The following TRMT1 variants were observed in gnomAD, a reference collection of about 807,000 sequenced individuals.
The protein encoded by TRMT1 is tRNA (guanine(26)-N(2))-dimethyltransferase.
TRMT1 carries 63 observed loss-of-function variants against 75.4 expected under a neutral mutation model. The observed-to-expected ratio is 0.84, with a 90% confidence interval of 0.68 to 1.03. The LOEUF (loss-of-function observed/expected upper bound fraction) is 1.03. Ranked by LOEUF, TRMT1 falls within the 50% of genes least tolerant of loss-of-function variation. The pLI, the probability that TRMT1 is intolerant of heterozygous loss-of-function variation, is 0.00. For missense variants in TRMT1, 870 were observed against 905.3 expected (o/e 0.96, Z 0.50); for synonymous variants, 382 against 358.1 (o/e 1.07, Z -0.75).
rs1196813427 is a variant in TRMT1 at position 13,110,394 on chromosome 19, A to G, written c.871-88T>C. 4 of 1,428,248 alleles carry G rather than the reference A, an allele frequency of 2.8e-6. No individual in the cohort carries two copies. The East Asian group carries it at 1.0e-4, about 36-fold the overall frequency. 88.5% of individuals were successfully genotyped at this position (1,428,248 alleles called of 1,614,324 possible). ...ATGTGGTACTCACAAGTACAGGCTCAGGGCCAGCTCCCTGGGATCCAAGCC... is the reference window on the plus strand; with the variant it reads ...ATGTGGTACTCACAAGTACAGGCTCGGGGCCAGCTCCCTGGGATCCAAGCC... On this transcript the variant is annotated intron_variant, in intron 7 of 16. Transcript: ENST00000357720.
At chr19:13,115,809 C>T (rs778560046) in intron 3 of TRMT1, 41 bp from the exon 4 acceptor site, 11 of 1,612,356 alleles carry the variant, frequency 6.8e-6, no homozygotes, top group Non-Finnish European at 9.3e-6. Context: ...ATAACAAGGT[C>T]CCCTCTGAGA....
chr19:13,109,676 G>T lies in TRMT1; in HGVS notation c.1185C>A (p.Gly395=). Residue 395 remains glycine (G), a synonymous_variant, in exon 11 of 17, where the codon GGC becomes GGA. Coordinates refer to ENST00000357720, the MANE Select transcript of TRMT1 (RefSeq NM_001136035.4). ...EHCGQRHQLG[G]PMWAEPIHDL... ...CATGGATGGGCTCTGCCCACATGGG[G>T]CCACCAAGCTGGGGGCGCACCGGGG... The T allele has an allele frequency of 6.2e-7, 1 of 1,613,924 alleles. No homozygotes were observed. The highest frequency in any genetic ancestry group is 8.5e-7 in the Non-Finnish European group (1 of 1,180,000).
Position 13,109,678 on chromosome 19 carries a change from C to CA in TRMT1, c.1182dup (p.Gly395TrpfsTer10). On this transcript the variant is annotated frameshift_variant, in exon 11 of 17. Transcript: ENST00000357720. LOFTEE classifies it high-confidence loss of function. ...TGGATGGGCTCTGCCCACATGGGGC[C>CA]ACCAAGCTGGGGGCGCACCGGGGAC... 6.2e-7 allele frequency: 1 copy of CA among 1,613,980 alleles called. No individual in the cohort carries two copies. Among genetic ancestry groups the CA allele is most frequent in the Non-Finnish European group, 8.5e-7 (1 of 1,179,996 alleles).
chr19:13,106,582 T>C (rs2018878826), intron 14 of TRMT1, among the ~76,000 whole-genome samples: 1 of 150,104 alleles, frequency 6.7e-6, no homozygotes, highest in Admixed American at 6.7e-5. Flanking sequence ...TTCAAGCGAT[T>C]CACCTGCCTC....
chr19:13,113,829 C>T (rs1172035544), intron 5 of TRMT1, among the ~76,000 whole-genome samples: 1 of 151,920 alleles, frequency 6.6e-6, no homozygotes, highest in Non-Finnish European at 1.5e-5. Context: ...AGGCTGGTCT[C>T]GAGCTCCTGA....
chr19:13,110,815 T>C (rs2019110885), intron 7 of TRMT1, among the ~76,000 whole-genome samples: 1 of 152,062 alleles, frequency 6.6e-6, no homozygotes, highest in South Asian at 2.1e-4. Context: ...CTGGGTGTGG[T>C]GGCGGGCGCC....
At position 13,112,880 on chromosome 19, in the gene TRMT1, G is replaced by A. The variant is rs2019195931; in HGVS notation, c.757+16C>T. ...CCCCAAGCCCTGCTCCCACCCCAGTGCCATCCCCACCTCACCTCCTTCACT... is the reference window on the plus strand; with the variant it reads ...CCCCAAGCCCTGCTCCCACCCCAGTACCATCCCCACCTCACCTCCTTCACT... On this transcript the variant is annotated intron_variant, in intron 6 of 16. Coordinates refer to ENST00000357720, the MANE Select transcript of TRMT1 (RefSeq NM_001136035.4). 2 of 1,612,398 alleles carry A rather than the reference G, an allele frequency of 1.2e-6. No homozygotes were observed. Among genetic ancestry groups the A allele is most frequent in the South Asian group, 2.2e-5 (2 of 90,834 alleles).
At chr19:13,110,046 C>T in intron 8 of TRMT1, 45 bp from the exon 9 acceptor site, 4 of 1,612,500 alleles carry the variant, frequency 2.5e-6, no homozygotes, top group East Asian at 2.2e-5. Context: ...GTGACCACGA[C>T]ACCCCAACTC....
chr19:13,115,073 G>T (rs1415297359), intron 5 of TRMT1, among the ~76,000 whole-genome samples: 1 of 152,142 alleles, frequency 6.6e-6, no homozygotes, highest in African/African-American at 2.4e-5. Context: ...CTTATTTCTG[G>T]CACAGAGTAT....
chr19:13,105,560 G>T lies in TRMT1; in HGVS notation c.1630C>A (p.Arg544=), dbSNP rs763302328. The T allele has an allele frequency of 1.6e-5, 26 of 1,613,864 alleles. No individual in the cohort carries two copies. Among genetic ancestry groups the T allele is most frequent in the Middle Eastern group, 3.3e-4 (2 of 6,084 alleles). ...TIREDANPSS[R]QRGLKRFQAN... The stretch of plus-strand genomic sequence containing the variant: ...TGGAAGCGCTTGAGTCCTCGCTGTC[G>T]GGAGCTGGGGTTGGCATCTTCCCGG... Residue 544 remains arginine, a synonymous_variant, in exon 15 of 17, where the codon CGA becomes AGA. Transcript: ENST00000357720.
chr19:13,105,314 G>A lies in TRMT1; in HGVS notation c.1786C>T (p.Gln596Ter), dbSNP rs1329703614. Residue 596 changes from glutamine to a stop codon, truncating the protein, a stop_gained, in exon 16 of 17, where the codon CAG becomes TAG. Coordinates refer to ENST00000357720, the MANE Select transcript of TRMT1 (RefSeq NM_001136035.4). LOFTEE classifies it low-confidence loss of function (END_TRUNC). Reference protein sequence around the residue: ...KRKEPPEDVAQRAARLKTFPC... With the variant: ...KRKEPPEDVA ...AATGTCTTGAGCCGGGCAGCCCGCT[G>A]GGCCACATCTTCCGGCGGCTCCTTC... 2 of 1,614,062 alleles carry A rather than the reference G, an allele frequency of 1.2e-6. No individual in the cohort carries two copies. The highest frequency in any genetic ancestry group is 2.2e-5 in the South Asian group (2 of 91,088).
Position 13,112,901 on chromosome 19 carries a change from T to G in TRMT1, c.752A>C (p.Glu251Ala). 2 of 1,613,010 alleles carry G rather than the reference T, an allele frequency of 1.2e-6. No homozygotes were observed. Among genetic ancestry groups the G allele is most frequent in the South Asian group, 1.1e-5 (1 of 90,888 alleles). Residue 251 changes from glutamate to alanine, a missense_variant, in exon 6 of 17, where the codon GAA becomes GCA. Coordinates refer to ENST00000357720, the MANE Select transcript of TRMT1 (RefSeq NM_001136035.4). The part of the protein sequence containing the change: ...FLDAAVQAVS[E>A]GGLLCVTCTD... ...CAGTGCCATCCCCACCTCACCTCCT[T>G]CACTCACAGCCTGCACAGCTGCATC...
intron 8 of TRMT1, 34 bp from the exon 9 acceptor site, chr19:13,110,035 C>T (rs368353513): frequency 7.4e-6 from 12 of 1,612,444 alleles, no homozygotes; most frequent in African/African-American, 6.7e-5. Flanking sequence ...GAGTTCCCAG[C>T]GTGACCACGA....
intron 12 of TRMT1, among the ~76,000 whole-genome samples, chr19:13,108,912 A>ATTT (rs74181811): frequency 7.9e-6 from 1 of 126,100 alleles, no homozygotes; most frequent in African/African-American, 3.1e-5. Flanking sequence ...GCCTGGCCTA[A>ATTT]TTTTTTTTTT....
Position 13,116,714 on chromosome 19 carries a change from G to A in TRMT1, c.-94C>T. 2 of 372,302 alleles carry A rather than the reference G, an allele frequency of 5.4e-6. No individual in the cohort carries two copies. Among genetic ancestry groups the A allele is most frequent in the Non-Finnish European group, 9.9e-6 (2 of 202,418 alleles). 23.1% of individuals were successfully genotyped at this position (372,302 alleles called of 1,614,324 possible). A position where few individuals can be genotyped will look rare whatever the true frequency, so the allele number is the denominator to read the frequency against. ...GTGCACGTTTCCCGAATTAGGACCT[G>A]GGCGCCGCCATGTTGGCACAGTGGG... On this transcript the variant is annotated 5_prime_UTR_variant, in exon 1 of 17. Transcript: ENST00000357720.
rs772461605 is a variant in TRMT1 at position 13,107,794 on chromosome 19, G to A, written c.1463C>T (p.Thr488Met). Residue 488 changes from threonine (T) to methionine (M), a missense_variant, in exon 13 of 17, where the codon ACG (threonine) becomes ATG (methionine). Physicochemically the swap from Thr to Met is moderately conservative, Grantham distance 81. Coordinates refer to ENST00000357720, the MANE Select transcript of TRMT1 (RefSeq NM_001136035.4). ...LSHACKNAVK[T>M]DAPASALWDI... The stretch of plus-strand genomic sequence containing the variant: ...CCAGAGGGCAGAGGCAGGGGCATCC[G>A]TCTTCACAGCGTTCTTACAGGCGTG... The A allele has an allele frequency of 4.5e-6, 7 of 1,552,478 alleles. No individual in the cohort carries two copies. The highest frequency in any genetic ancestry group is 1.7e-4 in the Middle Eastern group (1 of 5,994).
chr19:13,110,361 G>T, intron 7 of TRMT1, 55 bp from the exon 8 acceptor site: 4 of 1,527,344 alleles, frequency 2.6e-6, no homozygotes, highest in Non-Finnish European at 3.5e-6. Flanking sequence ...CACCCCACCA[G>T]GAGCCCTATG....
At chr19:13,110,090 C>G in intron 8 of TRMT1, 68 bp downstream of exon 8, 1 of 1,608,610 alleles carries the variant, frequency 6.2e-7, no homozygotes, top group Non-Finnish European at 8.5e-7. Flanking sequence ...TTAAGAAGCC[C>G]CAGATCCCCC....
intron 12 of TRMT1, among the ~76,000 whole-genome samples, chr19:13,108,703 A>G (rs946284501): frequency 2.6e-5 from 4 of 151,370 alleles, no homozygotes; most frequent in Non-Finnish European, 5.9e-5. Context: ...TCCTCCTCCC[A>G]GGTTCCAGTG....
Sources: gnomAD v4.1 joint callset for allele counts (sites outside exome capture counted in the v4.1 genomes callset) on GRCh38, gnomAD v4.1.1 for gene constraint, MANE v1.5 for transcripts, NCBI Gene and HGNC (gene_info 2026-07-23, HGNC 2026-07-21) for gene names.